SUGCT: variants seen among roughly 807,000 people sequenced by gnomAD.
SUGCT encodes succinyl-CoA:glutarate CoA-transferase.
SUGCT carries 41 observed loss-of-function variants against 55.0 expected under a neutral mutation model. That is an observed-to-expected ratio of 0.74 (90% CI 0.58 to 0.97). The LOEUF (loss-of-function observed/expected upper bound fraction) is 0.97, where lower values mean the gene tolerates loss of function less well. SUGCT is among the 50% of genes least tolerant of loss of function. The pLI is 0.00. For synonymous variants in SUGCT, 187 were observed against 200.4 expected, an observed-to-expected ratio of 0.93 and a Z score of 0.56; for missense variants, 568 against 547.8, an observed-to-expected ratio of 1.04 and a Z score of -0.37.
intron 12 of SUGCT, among the ~76,000 whole-genome samples, chr7:40,699,757 T>C (rs987513306): frequency 6.6e-6 from 1 of 151,944 alleles, no homozygotes; most frequent in Non-Finnish European, 1.5e-5. Context: ...TAATCCCAGC[T>C]ACTCAGGAGG....
intron 13 of SUGCT, among the ~76,000 whole-genome samples, chr7:40,814,274 T>G (rs192241714): frequency 1.0e-3 from 158 of 152,348 alleles, no homozygotes; most frequent in Non-Finnish European, 9.7e-4. Flanking sequence ...TTTTCTTGAA[T>G]GATTTCCTCA....
chr7:40,291,839 G>A (rs892711211), intron 8 of SUGCT, among the ~76,000 whole-genome samples: 4 of 152,092 alleles, frequency 2.6e-5, no homozygotes, highest in Non-Finnish European at 5.9e-5. Flanking sequence ...GCAAGAAGTT[G>A]AAGTGATTTG....
chr7:40,651,202 T>C (rs555919302), intron 12 of SUGCT, among the ~76,000 whole-genome samples: 14 of 152,298 alleles, frequency 9.2e-5, no homozygotes, highest in African/African-American at 3.4e-4. Context: ...GTATTCCCAT[T>C]CCTACCAACA....
intron 12 of SUGCT, among the ~76,000 whole-genome samples, chr7:40,572,950 TTATTTGGAGAGTGGGCTGAGA>T (rs1279709348): frequency 2.6e-5 from 4 of 152,152 alleles, no homozygotes; most frequent in Non-Finnish European, 5.9e-5. Flanking sequence ...GTCCTCTGCG[TTATTTGGAGAGTGGGCTGAGA>T]AACCCCGGGA....
intron 12 of SUGCT, among the ~76,000 whole-genome samples, chr7:40,576,428 C>A (rs1035110337): frequency 6.6e-6 from 1 of 152,212 alleles, no homozygotes; most frequent in South Asian, 2.1e-4. Context: ...TGCTTAGAAG[C>A]TATTTTGTCT....
chr7:40,747,490 G>A (rs748546416), intron 12 of SUGCT, among the ~76,000 whole-genome samples: 3 of 152,136 alleles, frequency 2.0e-5, no homozygotes, highest in African/African-American at 7.2e-5. Flanking sequence ...ATGGATTATG[G>A]TAAGAAGGTA....
chr7:40,292,022 A>C (rs1793813843), intron 8 of SUGCT, among the ~76,000 whole-genome samples: 1 of 152,180 alleles, frequency 6.6e-6, no homozygotes. Context: ...AAAATAATAA[A>C]TTTGTCTTGT....
intron 12 of SUGCT, among the ~76,000 whole-genome samples, chr7:40,534,459 A>G (rs572443210): frequency 6.6e-6 from 1 of 152,074 alleles, no homozygotes; most frequent in East Asian, 1.9e-4. Flanking sequence ...ATCTTGGCTC[A>G]CCGCAACCTC....
intron 9 of SUGCT, among the ~76,000 whole-genome samples, chr7:40,392,848 G>A (rs1475321658): frequency 6.6e-6 from 1 of 152,174 alleles, no homozygotes; most frequent in African/African-American, 2.4e-5. Context: ...ACAGGAGCTA[G>A]TGATGCTTAG....
At chr7:40,336,749 T>G (rs1198555869) in intron 9 of SUGCT, among the ~76,000 whole-genome samples, 3 of 152,220 alleles carry the variant, frequency 2.0e-5, no homozygotes, top group African/African-American at 7.2e-5. Context: ...TCTATCTCCT[T>G]CAGTTCTGCT....
At chr7:40,941,280 C>T in the SUGCT span, among the ~76,000 whole-genome samples, 1 of 151,922 alleles carries the variant, frequency 6.6e-6, no homozygotes. Context: ...ACTTATGTTG[C>T]TATTTTTCAT....
intron 12 of SUGCT, among the ~76,000 whole-genome samples, chr7:40,565,204 GAGA>G (rs1361551236): frequency 6.6e-6 from 1 of 152,132 alleles, no homozygotes; most frequent in African/African-American, 2.4e-5. Context: ...ATGCCTTCTT[GAGA>G]ATCAAATGGA....
chr7:40,935,287 T>C, the SUGCT span, among the ~76,000 whole-genome samples: 1 of 152,160 alleles, frequency 6.6e-6, no homozygotes, highest in Non-Finnish European at 1.5e-5. Flanking sequence ...TTTGATAGTA[T>C]ACAATTCATG....
At chr7:40,816,360 C>G (rs1791669826) in intron 13 of SUGCT, among the ~76,000 whole-genome samples, 1 of 152,194 alleles carries the variant, frequency 6.6e-6, no homozygotes, top group South Asian at 2.1e-4. Context: ...TTTGTGGTGT[C>G]TTTCTCTTAC....
At chr7:40,932,386 C>T in the SUGCT span, among the ~76,000 whole-genome samples, 43 of 152,098 alleles carry the variant, frequency 2.8e-4, no homozygotes, top group Admixed American at 1.8e-3. Context: ...GGTGCTGAGA[C>T]GAATGTATGT....
intron 6 of SUGCT, among the ~76,000 whole-genome samples, chr7:40,212,991 C>G (rs1787428865): frequency 6.6e-6 from 1 of 152,014 alleles, no homozygotes; most frequent in Non-Finnish European, 1.5e-5. Context: ...TAATTTTTGT[C>G]AATTATACTT....
At chr7:40,815,035 C>T (rs748134572) in intron 13 of SUGCT, among the ~76,000 whole-genome samples, 1 of 152,120 alleles carries the variant, frequency 6.6e-6, no homozygotes. Flanking sequence ...TTGTAGATGG[C>T]GCTTATAGGT....
chr7:40,701,586 A>G (rs1785173942), intron 12 of SUGCT, among the ~76,000 whole-genome samples: 1 of 152,272 alleles, frequency 6.6e-6, no homozygotes, highest in Non-Finnish European at 1.5e-5. Context: ...GAACTAGAGA[A>G]ATACATAGTA....
chr7:40,202,083 C>T (rs1786641117), intron 6 of SUGCT, among the ~76,000 whole-genome samples: 1 of 152,148 alleles, frequency 6.6e-6, no homozygotes, highest in African/African-American at 2.4e-5. Flanking sequence ...AAATCATCCT[C>T]CTCCTCAGCC....
Sources: gnomAD v4.1 joint callset for allele counts (sites outside exome capture counted in the v4.1 genomes callset) on GRCh38, gnomAD v4.1.1 for gene constraint, MANE v1.5 for transcripts, NCBI Gene and HGNC (gene_info 2026-07-23, HGNC 2026-07-21) for gene names.